Variants in BICC1 observed in about 807,000 individuals in gnomAD.
BICC1 encodes the protein BicC family RNA binding protein 1, also known as protein bicaudal C homolog 1.
A neutral mutation model predicts 111.0 loss-of-function variants in BICC1; 43 were observed. The observed-to-expected ratio is 0.39, with a 90% CI of 0.30 to 0.50. The LOEUF (loss-of-function observed/expected upper bound fraction) is 0.50. Among genes scored for constraint, BICC1 ranks in the 20% least tolerant of loss-of-function variants. BICC1 has a pLI of 0.88. For missense variants in BICC1, 1,091 were observed against 1,203.2 expected (o/e 0.91, Z 1.38); for synonymous variants, 467 against 434.4 (o/e 1.07, Z -0.93).
upstream of BICC1, among the ~76,000 whole-genome samples, chr10:58,512,254 T>C (rs1006940880): frequency 2.0e-5 from 3 of 151,720 alleles, no homozygotes; most frequent in East Asian, 5.8e-4. Flanking sequence ...GGAGACGAGG[T>C]GTCTGGGTTT....
intron 1 of BICC1, among the ~76,000 whole-genome samples, chr10:58,556,668 T>C (rs923340549): frequency 6.6e-6 from 1 of 152,006 alleles, no homozygotes; most frequent in African/African-American, 2.4e-5. Flanking sequence ...TATGTAAATA[T>C]TTGCTGTGGA....
chr10:58,820,013 CT>C (rs1382214136), intron 19 of BICC1, among the ~76,000 whole-genome samples: 1 of 152,094 alleles, frequency 6.6e-6, no homozygotes, highest in African/African-American at 2.4e-5. Context: ...TTAGTTTCTT[CT>C]TATAAAGATA....
At chr10:58,626,835 C>T (rs11006211) in intron 2 of BICC1, among the ~76,000 whole-genome samples, 53,032 of 152,084 alleles carry the variant, frequency 0.35, 10,246 homozygotes, top group East Asian at 0.47. Context: ...CCAGGCACAG[C>T]AGCTCATGCC....
At chr10:58,539,043 A>G (rs1017303751) in intron 1 of BICC1, among the ~76,000 whole-genome samples, 5 of 151,818 alleles carry the variant, frequency 3.3e-5, no homozygotes, top group African/African-American at 1.2e-4. Context: ...GAATTCCACT[A>G]CTGAGTATCT....
chr10:58,813,112 C>T (rs1843963661), intron 17 of BICC1, among the ~76,000 whole-genome samples: 1 of 152,052 alleles, frequency 6.6e-6, no homozygotes, highest in Non-Finnish European at 1.5e-5. Context: ...GTAAAGGATT[C>T]TCTTGGAATT....
At chr10:58,608,672 C>G (rs1845313970) in intron 1 of BICC1, among the ~76,000 whole-genome samples, 1 of 152,134 alleles carries the variant, frequency 6.6e-6, no homozygotes, top group African/African-American at 2.4e-5. Flanking sequence ...TTATTAAATG[C>G]TTACAGGGTG....
intron 3 of BICC1, among the ~76,000 whole-genome samples, chr10:58,761,143 C>T (rs1470259468): frequency 6.6e-6 from 1 of 152,108 alleles, no homozygotes; most frequent in Non-Finnish European, 1.5e-5. Flanking sequence ...CAGGCGTGAG[C>T]CACTGCACCC....
At chr10:58,552,834 T>C (rs1181813848) in intron 1 of BICC1, among the ~76,000 whole-genome samples, 2 of 152,158 alleles carry the variant, frequency 1.3e-5, no homozygotes, top group African/African-American at 2.4e-5. Context: ...CTGATTGATA[T>C]TGACTGTATT....
At chr10:58,773,611 T>A (rs1247847372) in intron 3 of BICC1, among the ~76,000 whole-genome samples, 1 of 152,212 alleles carries the variant, frequency 6.6e-6, no homozygotes, top group Non-Finnish European at 1.5e-5. Context: ...ATTGCAGTCA[T>A]GGAGCCATGC....
Position 58,534,596 on chromosome 10 carries a change from A to T in BICC1, c.190+21263A>T, listed in dbSNP as rs569711066. Among the ~76,000 whole-genome samples the T allele has an allele frequency of 2.0e-5, 3 of 151,886 alleles. No individual in the cohort carries two copies. The Admixed American group carries it at 2.0e-4, about 10-fold the overall frequency. Reference sequence around the variant, plus strand: ...TAAAAGAAATAAAAACCCCAGTTAAATGAAAAATAAATTCAAAAATAATGA... The same window carrying T: ...TAAAAGAAATAAAAACCCCAGTTAATTGAAAAATAAATTCAAAAATAATGA... On this transcript the variant is annotated intron_variant, in intron 1 of 20. Transcript: ENST00000373886.
intron 1 of BICC1, among the ~76,000 whole-genome samples, chr10:58,597,213 A>G (rs989881536): frequency 1.3e-5 from 2 of 152,190 alleles, no homozygotes; most frequent in South Asian, 2.1e-4. Flanking sequence ...ATCACATGTC[A>G]GGTAGGAATC....
intron 2 of BICC1, among the ~76,000 whole-genome samples, chr10:58,623,511 T>C (rs924655651): frequency 2.0e-5 from 3 of 152,164 alleles, no homozygotes; most frequent in African/African-American, 7.2e-5. Context: ...AAGCCTAAGA[T>C]GTTATAGCAA....
At chr10:58,515,177 G>A (rs1842209071) in intron 1 of BICC1, among the ~76,000 whole-genome samples, 1 of 152,220 alleles carries the variant, frequency 6.6e-6, no homozygotes, top group Admixed American at 6.5e-5. Flanking sequence ...ACTACGATCT[G>A]AGACGGTTTG....
At chr10:58,632,014 A>G (rs1317516473) in intron 2 of BICC1, among the ~76,000 whole-genome samples, 2 of 152,134 alleles carry the variant, frequency 1.3e-5, no homozygotes, top group Non-Finnish European at 2.9e-5. Flanking sequence ...TCTTGGCTTC[A>G]GTCAGTATGT....
At chr10:58,752,403 A>G (rs1842014927) in intron 3 of BICC1, among the ~76,000 whole-genome samples, 1 of 152,200 alleles carries the variant, frequency 6.6e-6, no homozygotes, top group South Asian at 2.1e-4. Flanking sequence ...CACAATTGCA[A>G]GATTTGGGCC....
Position 58,785,076 on chromosome 10 carries a change from C to T in BICC1, c.383C>T (p.Thr128Ile), listed in dbSNP as rs573010214. ...GAAATGATCATGTCTGTCTTAGACA[C>T]AAAAGTAAGTGAATGTTAAGGACAC... ...AKEMIMSVLD[T>I]KSNRVTLKMD... Residue 128 changes from threonine (T) to isoleucine (I), a missense_variant, in exon 4 of 21, where the codon ACA becomes ATA. Around this residue, in one of 3 missense-constraint regions of BICC1, gnomAD observed 843 missense variants for 900.8 expected, o/e 0.94. Transcript: ENST00000373886. 2 of 1,569,990 alleles carry T rather than the reference C, an allele frequency of 1.3e-6. No homozygotes were observed. The highest frequency in any genetic ancestry group is 1.2e-5 in the South Asian group (1 of 85,006).
At chr10:58,748,443 A>T (rs1213598706) in intron 3 of BICC1, among the ~76,000 whole-genome samples, 1 of 152,084 alleles carries the variant, frequency 6.6e-6, no homozygotes, top group African/African-American at 2.4e-5. Context: ...TTTCTCCAGT[A>T]AGATTCATAT....
chr10:58,521,498 G>T (rs1264668026), intron 1 of BICC1, among the ~76,000 whole-genome samples: 1 of 151,992 alleles, frequency 6.6e-6, no homozygotes, highest in Admixed American at 6.6e-5. Context: ...AAATTTTAAG[G>T]TTCCTGATCA....
intron 2 of BICC1, among the ~76,000 whole-genome samples, chr10:58,631,157 C>T (rs1588950241): frequency 6.6e-6 from 1 of 152,128 alleles, no homozygotes; most frequent in Admixed American, 6.5e-5. Flanking sequence ...GTTTTCATCC[C>T]TCTTACACTT....
Sources: allele counts gnomAD v4.1 joint callset (sites outside exome capture counted in the v4.1 genomes callset), GRCh38; gene constraint gnomAD v4.1.1; regional missense constraint gnomAD v4.1.1; transcripts MANE v1.5; gene names NCBI Gene and HGNC (gene_info 2026-07-23, HGNC 2026-07-21).